The following TMEM178B variants were observed in gnomAD, a reference collection of about 807,000 sequenced individuals.
TMEM178B encodes the protein transmembrane protein 178B.
Under a neutral mutation model 31.0 loss-of-function variants are expected in TMEM178B, and 5 were observed. That is an observed-to-expected ratio of 0.16 (90% CI 0.08 to 0.34). TMEM178B has a LOEUF of 0.34. Ranked by LOEUF, TMEM178B falls within the 10% of genes least tolerant of loss-of-function variation. TMEM178B has a pLI of 1.00. For synonymous variants in TMEM178B, 164 were observed against 164.0 expected, an observed-to-expected ratio of 1.00 and a Z score of 0.00; for missense variants, 275 against 400.3, an observed-to-expected ratio of 0.69 and a Z score of 2.67.
rs201165930 is a variant in TMEM178B at position 141,338,184 on chromosome 7, A to AAATT, written c.497-99422_497-99419dup. On this transcript the variant is annotated intron_variant, in intron 2 of 3. Transcript: ENST00000565468. Reference sequence around the variant, plus strand: ...AGTTATTTTTGAAAATCTGTGATAGAAATTAGAGCAATAGAGGTATAACAA... The same window carrying AAATT: ...AGTTATTTTTGAAAATCTGTGATAGAAATTAATTAGAGCAATAGAGGTATAACAA... Among the ~76,000 whole-genome samples the AAATT allele has an allele frequency of 9.1e-3, 1,392 of 152,298 alleles. 18 individuals carry two copies. Among genetic ancestry groups the AAATT allele is most frequent in the African/African-American group, 0.029 (1,218 of 41,558 alleles).
chr7:141,490,702 A>T, the TMEM178B span, among the ~76,000 whole-genome samples: 1 of 152,238 alleles, frequency 6.6e-6, no homozygotes, highest in Non-Finnish European at 1.5e-5. Context: ...TGTCATTTCA[A>T]AGAAGCTTTC....
chr7:141,083,455 G>T (rs1443054995), intron 1 of TMEM178B, among the ~76,000 whole-genome samples: 2 of 151,008 alleles, frequency 1.3e-5, no homozygotes, highest in African/African-American at 4.9e-5. Flanking sequence ...CAAGGCAAAA[G>T]TTGATGGGGG....
At chr7:141,413,145 G>C (rs549541400) in intron 2 of TMEM178B, among the ~76,000 whole-genome samples, 5 of 152,204 alleles carry the variant, frequency 3.3e-5, no homozygotes, top group Non-Finnish European at 7.3e-5. Flanking sequence ...AGTGCCATGT[G>C]TAAAGCAATT....
chr7:141,200,100 T>G (rs952223976), intron 1 of TMEM178B, among the ~76,000 whole-genome samples: 12 of 152,116 alleles, frequency 7.9e-5, no homozygotes, highest in Non-Finnish European at 1.8e-4. Context: ...AGGCTGGTCT[T>G]GAACCCCTGG....
chr7:141,124,492 C>T (rs550054767), intron 1 of TMEM178B, among the ~76,000 whole-genome samples: 17 of 152,290 alleles, frequency 1.1e-4, no homozygotes, highest in Non-Finnish European at 2.4e-4. Flanking sequence ...CTCCTTCTGC[C>T]TCCTTTTACT....
At chr7:141,358,294 A>G (rs1799856300) in intron 2 of TMEM178B, among the ~76,000 whole-genome samples, 1 of 152,172 alleles carries the variant, frequency 6.6e-6, no homozygotes, top group Non-Finnish European at 1.5e-5. Flanking sequence ...TTAAAGATGC[A>G]TGCTCCCCGC....
chr7:141,205,357 G>A (rs1796945775), intron 1 of TMEM178B, among the ~76,000 whole-genome samples: 1 of 152,216 alleles, frequency 6.6e-6, no homozygotes, highest in South Asian at 2.1e-4. Context: ...CACTTGTAAA[G>A]TGATGGGTGG....
chr7:141,154,940 G>C (rs889689916), intron 1 of TMEM178B, among the ~76,000 whole-genome samples: 41 of 152,026 alleles, frequency 2.7e-4, no homozygotes, highest in African/African-American at 9.7e-4. Flanking sequence ...ATATTGGCCA[G>C]GCTGGCCTTG....
rs994626510 is a variant in TMEM178B at position 141,379,035 on chromosome 7, G to A, written c.497-58573G>A. 2.6e-5 allele frequency among the ~76,000 whole-genome samples: 4 copies of A among 152,108 alleles called. No homozygotes were observed. The East Asian group carries it at 7.7e-4, about 29-fold the overall frequency. ...ATCCTCTGCTTGGGGGAAGCACAGA[G>A]CAAAAGGAGCCACTCCGGATTTGGA... On this transcript the variant is annotated intron_variant, in intron 2 of 3. Transcript: ENST00000565468.
chr7:141,292,975 G>C (rs1798572280), intron 2 of TMEM178B, among the ~76,000 whole-genome samples: 1 of 152,072 alleles, frequency 6.6e-6, no homozygotes, highest in Non-Finnish European at 1.5e-5. Context: ...CTACTGCTCT[G>C]TGGAAGTGTT....
intron 2 of TMEM178B, among the ~76,000 whole-genome samples, chr7:141,371,066 G>C (rs1032379110): frequency 6.6e-6 from 1 of 152,240 alleles, no homozygotes; most frequent in Non-Finnish European, 1.5e-5. Context: ...TTTCTCCCAT[G>C]TAGGCAGATC....
intron 2 of TMEM178B, among the ~76,000 whole-genome samples, chr7:141,330,423 G>T (rs1212033069): frequency 6.6e-6 from 1 of 152,074 alleles, no homozygotes; most frequent in Non-Finnish European, 1.5e-5. Flanking sequence ...ATGACTTCCG[G>T]CTCCATCCAT....
chr7:141,287,350 A>T (rs1473695326), intron 2 of TMEM178B, among the ~76,000 whole-genome samples: 3 of 152,092 alleles, frequency 2.0e-5, no homozygotes, highest in Non-Finnish European at 4.4e-5. Context: ...TATGTCTCTC[A>T]TATCCTTTGT....
the TMEM178B span, among the ~76,000 whole-genome samples, chr7:141,510,037 G>T: frequency 2.0e-5 from 3 of 152,184 alleles, no homozygotes; most frequent in Non-Finnish European, 4.4e-5. Context: ...GTGGAAATTA[G>T]GCTGTGTCTC....
intron 3 of TMEM178B, among the ~76,000 whole-genome samples, chr7:141,457,373 A>G (rs1012905652): frequency 1.3e-5 from 2 of 152,238 alleles, no homozygotes; most frequent in African/African-American, 4.8e-5. Context: ...GTGTATATAT[A>G]TAATTTCCAT....
intron 2 of TMEM178B, among the ~76,000 whole-genome samples, chr7:141,238,751 G>A (rs1981698): frequency 0.78 from 118,353 of 151,662 alleles, 46,216 homozygotes; most frequent in Middle Eastern, 0.88. Context: ...TGCGGATCTA[G>A]GCCTGTGTTC....
At chr7:141,227,966 A>C (rs975200411) in intron 2 of TMEM178B, among the ~76,000 whole-genome samples, 6 of 152,206 alleles carry the variant, frequency 3.9e-5, no homozygotes, top group African/African-American at 1.4e-4. Flanking sequence ...ATTTCCTTGA[A>C]GTGTAGGGAA....
At chr7:141,343,850 G>A (rs1799561894) in intron 2 of TMEM178B, among the ~76,000 whole-genome samples, 1 of 152,064 alleles carries the variant, frequency 6.6e-6, no homozygotes, top group Non-Finnish European at 1.5e-5. Context: ...CGCCCAGCCG[G>A]GAACTCTTTT....
chr7:141,156,930 C>A (rs970876216), intron 1 of TMEM178B, among the ~76,000 whole-genome samples: 7 of 152,162 alleles, frequency 4.6e-5, no homozygotes, highest in Non-Finnish European at 8.8e-5. Flanking sequence ...TGGTTTGTAA[C>A]CAGGGGATGT....
Sources: gnomAD v4.1 joint callset for allele counts (sites outside exome capture counted in the v4.1 genomes callset) on GRCh38, gnomAD v4.1.1 for gene constraint, MANE v1.5 for transcripts, NCBI Gene and HGNC (gene_info 2026-07-23, HGNC 2026-07-21) for gene names.